The following PPAT variants were observed in gnomAD, a reference collection of about 807,000 sequenced individuals.
PPAT encodes the protein phosphoribosyl pyrophosphate amidotransferase.
PPAT carries 20 observed loss-of-function variants against 60.2 expected under a neutral mutation model. The observed-to-expected ratio is 0.33, with a 90% CI of 0.23 to 0.48. The LOEUF is 0.48. PPAT is among the 20% of genes least tolerant of loss of function. The pLI is 0.99. For synonymous variants in PPAT, 194 were observed against 215.1 expected (o/e 0.90, Z 0.86); for missense variants, 349 against 629.6 (o/e 0.55, Z 4.77).
chr4:56,423,936 G>A (rs899818857), intron 1 of PPAT, among the ~76,000 whole-genome samples: 7 of 152,080 alleles, frequency 4.6e-5, no homozygotes, highest in Admixed American at 2.0e-4. Context: ...GTAATAGAAC[G>A]TAGTATTGAG....
intron 1 of PPAT, among the ~76,000 whole-genome samples, chr4:56,417,144 C>A (rs998236523): frequency 1.3e-5 from 2 of 152,090 alleles, no homozygotes; most frequent in African/African-American, 4.8e-5. Flanking sequence ...CCACTGCACC[C>A]GGCCGCTTCT....
At chr4:56,410,149 T>C (rs769767654) in intron 1 of PPAT, among the ~76,000 whole-genome samples, 8 of 152,232 alleles carry the variant, frequency 5.3e-5, no homozygotes, top group Non-Finnish European at 1.2e-4. Context: ...ACATTGGCTA[T>C]AGACCTCTTG....
intron 1 of PPAT, chr4:56,416,566 T>C (rs893601090): frequency 6.5e-6 from 1 of 153,130 alleles, no homozygotes; most frequent in Admixed American, 6.5e-5. Flanking sequence ...TTTCCCTTTT[T>C]GCCAACCCAC....
chr4:56,420,802 T>C (rs1459196207), intron 1 of PPAT: 1 of 152,224 alleles, frequency 6.6e-6, no homozygotes, highest in Non-Finnish European at 1.5e-5. Context: ...CATAAATGTC[T>C]TTAAAGTATA....
chr4:56,409,051 T>C (rs567797973), intron 1 of PPAT, among the ~76,000 whole-genome samples: 1 of 152,320 alleles, frequency 6.6e-6, no homozygotes, highest in South Asian at 2.1e-4. Context: ...ATCCTCAAAC[T>C]TGGTGCTTGA....
chr4:56,413,108 A>C (rs1716546623), intron 1 of PPAT, among the ~76,000 whole-genome samples: 1 of 151,946 alleles, frequency 6.6e-6, no homozygotes, highest in Non-Finnish European at 1.5e-5. Context: ...GGAGGATATA[A>C]TTACTTTGGT....
At chr4:56,424,944 T>C (rs1281550729) in intron 1 of PPAT, among the ~76,000 whole-genome samples, 4 of 152,124 alleles carry the variant, frequency 2.6e-5, no homozygotes, top group Admixed American at 6.6e-5. Context: ...AGCATAGAAG[T>C]TTCATGGTAG....
At chr4:56,430,014 T>C (rs778635793) in intron 1 of PPAT, among the ~76,000 whole-genome samples, 5 of 152,160 alleles carry the variant, frequency 3.3e-5, no homozygotes, top group Non-Finnish European at 7.3e-5. Flanking sequence ...ATTCCAGCAC[T>C]GCCTTGGAGG....
intron 2 of PPAT, 74 bp from the exon 3 acceptor site, chr4:56,406,775 C>T: frequency 1.0e-6 from 1 of 999,460 alleles, no homozygotes; most frequent in Non-Finnish European, 1.5e-6. Flanking sequence ...CTCTTCTCTG[C>T]CCAGCCAATC....
chr4:56,402,291 AT>A, intron 5 of PPAT, 110 bp from the exon 6 acceptor site: 2 of 701,838 alleles, frequency 2.8e-6, no homozygotes, highest in Non-Finnish European at 4.6e-6. Context: ...TAGAATAGCC[AT>A]TTCTATGACT....
chr4:56,396,560 T>C lies in PPAT; in HGVS notation c.1357+59A>G. ...TCCTTTTTACTAAAGGTGTAAAGAC[T>C]GTCAAGCTTTGGATTTTCTCTGTTA... On this transcript the variant is annotated intron_variant, in intron 10 of 10. Transcript: ENST00000264220. The surrounding 1 kb of genome is among the most constrained non-coding windows in gnomAD (Gnocchi z 4.6). 6.7e-7 allele frequency: 1 copy of C among 1,499,768 alleles called. No individual in the cohort carries two copies. The highest frequency in any genetic ancestry group is 9.2e-7 in the Non-Finnish European group (1 of 1,089,406). The allele number at this position is 1,499,768 out of a possible 1,614,324, so 92.9% of individuals were successfully genotyped here.
Position 56,395,438 on chromosome 4 carries a change from T to C in PPAT, c.1468A>G (p.Asn490Asp), listed in dbSNP as rs1715945744. 1 of 1,612,224 alleles carries C rather than the reference T, an allele frequency of 6.2e-7. No homozygotes were observed. The highest frequency in any genetic ancestry group is 8.5e-7 in the Non-Finnish European group (1 of 1,178,840). ...EKKHDIMIQENGNGLECFEKS... is the reference protein window; with the variant it reads ...EKKHDIMIQEDGNGLECFEKS... ...TCAAAACATTCCAGACCATTTCCAT[T>C]TTCTTGGATCATAATATCGTGCTTT... is the stretch of plus-strand genomic sequence containing the variant. The change falls in exon 11 of 11, where the codon AAT (asparagine) becomes GAT (aspartate). Residue 490 changes from asparagine (N) to aspartate (D), a missense_variant. Asn to Asp is a conservative substitution (Grantham distance 23). This residue lies in a region of PPAT where 167 missense variants were observed against 328.6 expected (regional missense o/e 0.51). Coordinates refer to ENST00000264220, the MANE Select transcript of PPAT (RefSeq NM_002703.5).
chr4:56,400,500 C>A (rs995593606), intron 8 of PPAT: 6 of 209,938 alleles, frequency 2.9e-5, no homozygotes, highest in Non-Finnish European at 4.8e-5. Flanking sequence ...GTTCAAGGGT[C>A]AACTGTATAT....
chr4:56,423,379 T>C (rs922424828), intron 1 of PPAT: 8 of 152,184 alleles, frequency 5.3e-5, no homozygotes, highest in African/African-American at 1.7e-4. Context: ...TCCCAGCTTC[T>C]TGGGATGCTA....
chr4:56,426,549 T>C (rs1051875848), intron 1 of PPAT, among the ~76,000 whole-genome samples: 3 of 152,266 alleles, frequency 2.0e-5, no homozygotes, highest in African/African-American at 7.2e-5. Flanking sequence ...TATACATTTT[T>C]GTGTCTGGCT....
chr4:56,401,198 C>T, intron 7 of PPAT, 132 bp downstream of exon 7: 1 of 896,860 alleles, frequency 1.1e-6, no homozygotes, highest in Non-Finnish European at 1.6e-6. Context: ...CTTGTGGGCT[C>T]AGTCCTATAT....
chr4:56,402,172 GT>G lies in PPAT; in HGVS notation c.670del (p.Thr224HisfsTer79). ...VSDINDKEKK[T>X]SETEGWVVSS... ...CACCACCCATCCTTCTGTTTCTGAT[GT>G]TTTTTTCTCTGTAAATCACAAATCA... On this transcript the variant is annotated frameshift_variant, in exon 6 of 11. Transcript: ENST00000264220. LOFTEE classifies it high-confidence loss of function. 2 of 1,604,220 alleles carry G rather than the reference GT, an allele frequency of 1.2e-6. No homozygotes were observed. Among genetic ancestry groups the G allele is most frequent in the Non-Finnish European group, 8.5e-7 (1 of 1,172,658 alleles).
chr4:56,398,482 T>C (rs1214891423), intron 9 of PPAT, among the ~76,000 whole-genome samples: 1 of 151,996 alleles, frequency 6.6e-6, no homozygotes, highest in Admixed American at 6.6e-5. Flanking sequence ...AGCATTCTAT[T>C]GTGTGTTTTT....
chr4:56,427,737 T>C (rs533044261), intron 1 of PPAT, among the ~76,000 whole-genome samples: 4 of 152,156 alleles, frequency 2.6e-5, no homozygotes, highest in African/African-American at 7.2e-5. Context: ...TTAGAAAGCA[T>C]TGTGGAGTAT....
Sources: gnomAD v4.1 joint callset for allele counts (sites outside exome capture counted in the v4.1 genomes callset) on GRCh38, gnomAD v4.1.1 for gene constraint, gnomAD v4.1.1 regional missense constraint, Gnocchi (gnomAD v3.1) non-coding constraint, MANE v1.5 for transcripts, NCBI Gene and HGNC (gene_info 2026-07-23, HGNC 2026-07-21) for gene names.